The following SMIM23 variants were observed in gnomAD, a reference collection of about 807,000 sequenced individuals.
SMIM23 encodes small integral membrane protein 23.
A neutral mutation model predicts 12.8 loss-of-function variants in SMIM23; 10 were observed. The observed-to-expected ratio is 0.78, with a 90% CI of 0.48 to 1.32. The LOEUF (loss-of-function observed/expected upper bound fraction) is 1.32, where lower values mean the gene tolerates loss of function less well. Ranked by LOEUF, SMIM23 falls within the 40% of genes most tolerant of loss-of-function variation. The pLI is 0.00. For synonymous variants in SMIM23, 78 were observed against 80.1 expected, an observed-to-expected ratio of 0.97 and a Z score of 0.14; for missense variants, 184 against 198.2, an observed-to-expected ratio of 0.93 and a Z score of 0.43.
intron 1 of SMIM23, among the ~76,000 whole-genome samples, chr5:171,788,399 T>C (rs1450147828): frequency 6.6e-6 from 1 of 152,128 alleles, no homozygotes; most frequent in Middle Eastern, 3.2e-3. Flanking sequence ...AACTTCTAAA[T>C]AGACTCAACA....
chr5:171,790,651 C>T (rs1240930331), intron 3 of SMIM23, 102 bp downstream of exon 3: 3 of 1,384,792 alleles, frequency 2.2e-6, no homozygotes, highest in Non-Finnish European at 3.0e-6. Flanking sequence ...AGTCGCTTGT[C>T]AAGTGCAGAA....
At chr5:171,775,209 G>A in the SMIM23 span, among the ~76,000 whole-genome samples, 54 of 152,238 alleles carry the variant, frequency 3.5e-4, no homozygotes, top group African/African-American at 1.1e-3. Context: ...TTCCCATCCC[G>A]TGGGCCCTTG....
At chr5:171,790,694 G>A in intron 3 of SMIM23, 101 bp from the exon 4 acceptor site, 2 of 1,394,424 alleles carry the variant, frequency 1.4e-6, no homozygotes, top group Non-Finnish European at 2.0e-6. Context: ...ACAATGAGTA[G>A]CATGTGCAAA....
At chr5:171,777,790 T>C (rs1171016385), upstream of SMIM23, among the ~76,000 whole-genome samples, 1 of 152,144 alleles carries the variant, frequency 6.6e-6, no homozygotes, top group Non-Finnish European at 1.5e-5. Flanking sequence ...CCATCCCTCC[T>C]TTCCTGGAGG....
the SMIM23 span, among the ~76,000 whole-genome samples, chr5:171,775,094 A>G: frequency 3.3e-5 from 5 of 152,230 alleles, no homozygotes; most frequent in East Asian, 5.8e-4. Context: ...GCTAGTTACC[A>G]ACTCCAGATG....
chr5:171,776,910 G>A, the SMIM23 span, among the ~76,000 whole-genome samples: 4 of 152,184 alleles, frequency 2.6e-5, no homozygotes, highest in Non-Finnish European at 5.9e-5. Flanking sequence ...ATGGGCGGAA[G>A]GGCCCAGGTG....
At chr5:171,772,683 C>T in the SMIM23 span, among the ~76,000 whole-genome samples, 1 of 152,218 alleles carries the variant, frequency 6.6e-6, no homozygotes. Context: ...CACAAAAGGG[C>T]TGACTTGACC....
At chr5:171,775,107 C>A in the SMIM23 span, among the ~76,000 whole-genome samples, 1 of 152,204 alleles carries the variant, frequency 6.6e-6, no homozygotes, top group African/African-American at 2.4e-5. Flanking sequence ...TCCAGATGCT[C>A]GCCCTCCACC....
chr5:171,778,052 T>C (rs796184124), upstream of SMIM23, among the ~76,000 whole-genome samples: 11 of 152,286 alleles, frequency 7.2e-5, no homozygotes, highest in African/African-American at 2.6e-4. Context: ...TGTCATCAAA[T>C]GCAGGGTTTT....
upstream of SMIM23, among the ~76,000 whole-genome samples, chr5:171,784,508 A>G (rs10059416): frequency 0.016 from 2,324 of 147,972 alleles, 71 homozygotes; most frequent in African/African-American, 0.054. Context: ...CTGTCTCAAA[A>G]AAAAAAAGAA....
At position 171,790,887 on chromosome 5, in the gene SMIM23, G is replaced by A; in HGVS notation, c.318G>A (p.Lys106=). The A allele has an allele frequency of 1.3e-6, 2 of 1,536,184 alleles. No individual in the cohort carries two copies. Among genetic ancestry groups the A allele is most frequent in the South Asian group, 1.2e-5 (1 of 84,064 alleles). The change falls in exon 4 of 4, where the codon AAG becomes AAA. Residue 106 remains lysine (K), a synonymous_variant. Transcript: ENST00000523047. ...LKEKLHVFSE[K]LEEEVQQLEQ... ...AGAAGTTGCATGTCTTCTCGGAGAA[G>A]TTAGAGGAAGAGGTGCAGCAGCTGG...
chr5:171,784,485 A>C (rs2113647110), upstream of SMIM23, among the ~76,000 whole-genome samples: 1 of 151,954 alleles, frequency 6.6e-6, no homozygotes, highest in African/African-American at 2.4e-5. Flanking sequence ...AGCTTGGGCG[A>C]CAGAGTGAGA....
chr5:171,772,716 C>T, the SMIM23 span, among the ~76,000 whole-genome samples: 1 of 152,190 alleles, frequency 6.6e-6, no homozygotes, highest in Non-Finnish European at 1.5e-5. Context: ...GGAGTCCTGA[C>T]GACTTGAACG....
At chr5:171,780,550 T>C (rs1755709813), upstream of SMIM23, among the ~76,000 whole-genome samples, 1 of 152,256 alleles carries the variant, frequency 6.6e-6, no homozygotes, top group Non-Finnish European at 1.5e-5. Context: ...TGTGTGTGAC[T>C]GTAATTTTTT....
chr5:171,790,172 G>A (rs1755895589), intron 1 of SMIM23, 58 bp from the exon 2 acceptor site: 2 of 1,493,530 alleles, frequency 1.3e-6, no homozygotes, highest in Admixed American at 3.9e-5. Flanking sequence ...GGAAGCAGGG[G>A]GACCTGGAGA....
chr5:171,790,487 A>G lies in SMIM23; in HGVS notation c.163A>G (p.Ser55Gly), dbSNP rs1024101564. The change falls in exon 3 of 4, where the codon AGT becomes GGT. Residue 55 changes from serine to glycine, a missense_variant. Transcript: ENST00000523047. ...GATGTTTGTGCCTGTTTCAGGAAGC[A>G]GTTGGGAGGTGTCAGAAAGGATCAG... ...LYLSTEIWGS[S>G]WEVSERIREC... The G allele has an allele frequency of 3.3e-6, 5 of 1,536,616 alleles. No individual in the cohort carries two copies. The African/African-American group carries it at 6.8e-5, about 21-fold the overall frequency.
At chr5:171,776,093 A>G in the SMIM23 span, among the ~76,000 whole-genome samples, 1 of 151,572 alleles carries the variant, frequency 6.6e-6, no homozygotes, top group Admixed American at 6.6e-5. Context: ...CTGGTCTTGA[A>G]CTCCTGACCT....
chr5:171,790,835 T>C lies in SMIM23; in HGVS notation c.266T>C (p.Ile89Thr). ...ACCAACGAGCCCTCAGAAGAACCGA[T>C]AAAGACCATCAGGAACTGGCTGAAG... ...YQTNEPSEEP[I>T]KTIRNWLKEK... Residue 89 changes from isoleucine to threonine, a missense_variant, in exon 4 of 4, where the codon ATA (isoleucine) becomes ACA (threonine). Ile to Thr is a moderately conservative substitution (Grantham distance 89, BLOSUM62 -1). Transcript: ENST00000523047. 3.3e-6 allele frequency: 5 copies of C among 1,536,030 alleles called. No individual in the cohort carries two copies. The highest frequency in any genetic ancestry group is 1.4e-5 in the African/African-American group (1 of 73,116).
the SMIM23 span, among the ~76,000 whole-genome samples, chr5:171,776,897 G>T: frequency 6.6e-6 from 1 of 152,176 alleles, no homozygotes; most frequent in African/African-American, 2.4e-5. Flanking sequence ...GGCAGCTGAA[G>T]TCATGGGCGG....
Sources: gnomAD v4.1 joint callset for allele counts (sites outside exome capture counted in the v4.1 genomes callset) on GRCh38, gnomAD v4.1.1 for gene constraint, MANE v1.5 for transcripts, NCBI Gene and HGNC (gene_info 2026-07-23, HGNC 2026-07-21) for gene names.